PKNOX2: variants seen among roughly 807,000 people sequenced by gnomAD.
PKNOX2 encodes PBX/knotted 1 homeobox 2, also known as homeobox protein PKNOX2.
In PKNOX2, 14 loss-of-function variants were observed where a neutral mutation model predicts 53.1. That is an observed-to-expected ratio of 0.26 (90% CI 0.17 to 0.41). The LOEUF is 0.41. Among genes scored for constraint, PKNOX2 ranks in the 10% least tolerant of loss-of-function variants. The pLI is 1.00. For missense variants in PKNOX2, 496 were observed against 602.8 expected, an observed-to-expected ratio of 0.82 and a Z score of 1.85; for synonymous variants, 257 against 242.8, an observed-to-expected ratio of 1.06 and a Z score of -0.54.
intron 1 of PKNOX2, among the ~76,000 whole-genome samples, chr11:125,200,267 AAGGGTTAGAGGC>A (rs1460112046): frequency 2.0e-5 from 3 of 152,150 alleles, no homozygotes; most frequent in Non-Finnish European, 2.9e-5. Context: ...AGTCCCTCCC[AAGGGTTAGAGGC>A]AGGGGAGGGA....
chr11:125,276,948 G>T (rs151285253), intron 2 of PKNOX2, among the ~76,000 whole-genome samples: 4 of 152,156 alleles, frequency 2.6e-5, no homozygotes, highest in Admixed American at 1.3e-4. Context: ...AAGCCCAGGT[G>T]GTCAGCATGG....
At chr11:125,340,563 A>G (rs1446437634) in intron 3 of PKNOX2, among the ~76,000 whole-genome samples, 2 of 152,182 alleles carry the variant, frequency 1.3e-5, no homozygotes, top group African/African-American at 4.8e-5. Flanking sequence ...AGACCAGGTG[A>G]CCCGTATCTA....
At chr11:125,267,975 G>C (rs1340875223) in intron 2 of PKNOX2, among the ~76,000 whole-genome samples, 2 of 152,210 alleles carry the variant, frequency 1.3e-5, no homozygotes, top group African/African-American at 4.8e-5. Context: ...GGGGGAAAAT[G>C]CCACAGTATC....
At chr11:125,187,744 C>A (rs1419262371) in intron 1 of PKNOX2, among the ~76,000 whole-genome samples, 1 of 151,922 alleles carries the variant, frequency 6.6e-6, no homozygotes, top group Non-Finnish European at 1.5e-5. Context: ...CTGTCTTATT[C>A]CTGATCTTAG....
intron 2 of PKNOX2, among the ~76,000 whole-genome samples, chr11:125,246,857 C>A (rs1331327071): frequency 2.6e-5 from 4 of 152,114 alleles, no homozygotes; most frequent in Non-Finnish European, 4.4e-5. Context: ...GATGGGCAAC[C>A]CCTGCTTCAG....
At chr11:125,378,925 C>A (rs1017885399) in intron 5 of PKNOX2, among the ~76,000 whole-genome samples, 1 of 151,278 alleles carries the variant, frequency 6.6e-6, no homozygotes, top group Non-Finnish European at 1.5e-5. Flanking sequence ...AACTTCTTTT[C>A]TGTCTCTGCT....
intron 2 of PKNOX2, among the ~76,000 whole-genome samples, chr11:125,326,061 C>T (rs1375183213): frequency 6.6e-6 from 1 of 152,138 alleles, no homozygotes; most frequent in Non-Finnish European, 1.5e-5. Context: ...ACAGTACTTT[C>T]CATGATCTCC....
At chr11:125,401,142 G>A (rs1459631748) in intron 7 of PKNOX2, among the ~76,000 whole-genome samples, 7 of 152,140 alleles carry the variant, frequency 4.6e-5, no homozygotes. Flanking sequence ...AAAATAAAGG[G>A]AAAGAAAGCC....
intron 2 of PKNOX2, among the ~76,000 whole-genome samples, chr11:125,245,492 C>G (rs12282882): frequency 0.29 from 44,376 of 152,166 alleles, 6,772 homozygotes; most frequent in Non-Finnish European, 0.33. Flanking sequence ...GCACTTGGAG[C>G]TCTCTCTCAA....
chr11:125,357,001 G>T (rs1285255416), intron 4 of PKNOX2, among the ~76,000 whole-genome samples: 2 of 152,256 alleles, frequency 1.3e-5, no homozygotes, highest in Non-Finnish European at 2.9e-5. Flanking sequence ...AAACACATTT[G>T]CTTTGCAGCA....
At chr11:125,366,182 T>C (rs74462047) in intron 4 of PKNOX2, among the ~76,000 whole-genome samples, 2,006 of 152,292 alleles carry the variant, frequency 0.013, 43 homozygotes, top group African/African-American at 0.044. Flanking sequence ...TTAGGAAAGT[T>C]AAAGAATTTG....
intron 10 of PKNOX2, among the ~76,000 whole-genome samples, chr11:125,412,844 A>T (rs565334119): frequency 1.3e-5 from 2 of 152,278 alleles, no homozygotes; most frequent in South Asian, 4.1e-4. Flanking sequence ...GAAAAATCGA[A>T]TGGGCCATGG....
intron 4 of PKNOX2, among the ~76,000 whole-genome samples, chr11:125,359,859 G>A (rs1299093980): frequency 6.6e-6 from 1 of 152,246 alleles, no homozygotes; most frequent in Non-Finnish European, 1.5e-5. Context: ...GGGCTCAGAA[G>A]AGGGGATGTC....
At chr11:125,174,384 T>C (rs1278419851) in intron 1 of PKNOX2, among the ~76,000 whole-genome samples, 1 of 152,162 alleles carries the variant, frequency 6.6e-6, no homozygotes, top group Non-Finnish European at 1.5e-5. Flanking sequence ...ACAAAACGCA[T>C]GTGAAATTGA....
chr11:125,188,893 G>A (rs1160700579), intron 1 of PKNOX2, among the ~76,000 whole-genome samples: 2 of 151,774 alleles, frequency 1.3e-5, no homozygotes, highest in African/African-American at 4.8e-5. Context: ...CATGAGCCGG[G>A]AACATAGTCC....
At chr11:125,309,830 A>C (rs956251870) in intron 2 of PKNOX2, among the ~76,000 whole-genome samples, 9 of 152,216 alleles carry the variant, frequency 5.9e-5, no homozygotes, top group Admixed American at 5.2e-4. Context: ...TGGAATGATC[A>C]GCACACCTTC....
At chr11:125,203,241 G>A (rs1015515306) in intron 1 of PKNOX2, among the ~76,000 whole-genome samples, 4 of 152,124 alleles carry the variant, frequency 2.6e-5, no homozygotes, top group African/African-American at 7.2e-5. Context: ...CCTCAGACTC[G>A]CGAGTAGCTC....
chr11:125,300,533 T>G (rs75744581), intron 2 of PKNOX2, among the ~76,000 whole-genome samples: 1,955 of 151,048 alleles, frequency 0.013, 47 homozygotes, highest in African/African-American at 0.045. Flanking sequence ...CACCATTACA[T>G]GAAAAGGAGG....
At chr11:125,410,144 G>T (rs1296861850) in intron 7 of PKNOX2, 52 bp from the exon 8 acceptor site, 3 of 1,597,360 alleles carry the variant, frequency 1.9e-6, no homozygotes, top group Non-Finnish European at 2.6e-6. Context: ...TGGGGCTGTA[G>T]GGTCTAAGCT....
Sources: gnomAD v4.1 joint callset for allele counts (sites outside exome capture counted in the v4.1 genomes callset) on GRCh38, gnomAD v4.1.1 for gene constraint, MANE v1.5 for transcripts, NCBI Gene and HGNC (gene_info 2026-07-23, HGNC 2026-07-21) for gene names.